ERMN: variants seen among roughly 807,000 people sequenced by gnomAD.
ERMN encodes the protein ermin, ERM-like protein.
A neutral mutation model predicts 21.4 loss-of-function variants in ERMN; 17 were observed. The ratio of observed to expected loss-of-function variants is 0.80; its 90% CI spans 0.54 to 1.19. The LOEUF (loss-of-function observed/expected upper bound fraction) is 1.19. ERMN is among the 50% of genes most tolerant of loss of function. The pLI, the probability that ERMN is intolerant of heterozygous loss-of-function variation, is 0.00. For synonymous variants in ERMN, 115 were observed against 111.9 expected, an observed-to-expected ratio of 1.03 and a Z score of -0.17; for missense variants, 348 against 331.6, an observed-to-expected ratio of 1.05 and a Z score of -0.38.
chr2:157,321,754 G>A lies in ERMN; in HGVS notation c.372C>T (p.Asn124=). 2 of 1,612,364 alleles carry A rather than the reference G, an allele frequency of 1.2e-6. No individual in the cohort carries two copies. Among genetic ancestry groups the A allele is most frequent in the East Asian group, 2.2e-5 (1 of 44,840 alleles). The part of the protein sequence containing the change: ...QWEKIPLSGS[N]QEIRRQKERI... ...TCTCCTTCTGTCTTCTTATTTCCTGGTTACTGCCACTCAGAGGAATCTTCT... is the reference window on the plus strand; with the variant it reads ...TCTCCTTCTGTCTTCTTATTTCCTGATTACTGCCACTCAGAGGAATCTTCT... The change falls in exon 3 of 3, where the codon AAC becomes AAT. Residue 124 remains asparagine, a synonymous_variant. Coordinates refer to ENST00000410096, the MANE Select transcript of ERMN (RefSeq NM_020711.3).
At chr2:157,327,474 C>G (rs1331733927), upstream of ERMN, 1 of 780,340 alleles carries the variant, frequency 1.3e-6, no homozygotes, top group Admixed American at 1.7e-5. Context: ...TACACTTACT[C>G]TTCATAACAG....
chr2:157,325,222 G>C (rs745463763), intron 1 of ERMN, 180 bp downstream of exon 1: 4 of 868,958 alleles, frequency 4.6e-6, no homozygotes, highest in Non-Finnish European at 7.6e-6. Flanking sequence ...GGTCACAGCT[G>C]TCAAATAGAC....
intron 1 of ERMN, 70 bp downstream of exon 1, chr2:157,325,331 GT>G: frequency 6.3e-7 from 1 of 1,596,914 alleles, no homozygotes; most frequent in Non-Finnish European, 8.6e-7. Flanking sequence ...TTCGATAATA[GT>G]TTATCAAAAA....
chr2:157,327,706 C>T, upstream of ERMN: 1 of 519,688 alleles, frequency 1.9e-6, no homozygotes, highest in Non-Finnish European at 3.5e-6. Context: ...GCAGTAGAGA[C>T]AGTTGTGGCC....
intron 2 of ERMN, among the ~76,000 whole-genome samples, chr2:157,322,548 C>T (rs144964243): frequency 4.7e-4 from 71 of 152,336 alleles, no homozygotes; most frequent in African/African-American, 1.3e-3. Context: ...GGCCTGAGTT[C>T]ACCATTTTCT....
chr2:157,325,615 G>T lies in ERMN; in HGVS notation c.28C>A (p.Gln10Lys). The T allele has an allele frequency of 1.9e-6, 3 of 1,614,210 alleles. No individual in the cohort carries two copies. Among genetic ancestry groups the T allele is most frequent in the Non-Finnish European group, 2.5e-6 (3 of 1,180,018 alleles). ...GGTTTATCCCCATTACACTCAGCCT[G>T]GGTAAATGTAGCCGGAACATCTGTC... MTDVPATFTQAECNGDKPPE... is the reference protein window; with the variant it reads MTDVPATFTKAECNGDKPPE... Residue 10 changes from glutamine to lysine, a missense_variant, in exon 1 of 3, where the codon CAG becomes AAG. Coordinates refer to ENST00000410096, the MANE Select transcript of ERMN (RefSeq NM_020711.3).
intron 1 of ERMN, chr2:157,325,047 C>T (rs1158258909): frequency 7.7e-6 from 3 of 390,446 alleles, no homozygotes; most frequent in African/African-American, 4.1e-5. Context: ...GAAATTTTAA[C>T]ATTTTGAATT....
rs565128057 is a variant in ERMN, at chr2:157,321,001, G to T, written c.*270C>A. On this transcript the variant is annotated 3_prime_UTR_variant, in exon 3 of 3. Coordinates refer to ENST00000410096, the MANE Select transcript of ERMN (RefSeq NM_020711.3). The stretch of plus-strand genomic sequence containing the variant: ...CGAATTATGCCAGATTCCCCCAGGG[G>T]ACTGACTGCTTAGTGCTTATCACAC... The T allele has an allele frequency of 1.1e-5, 4 of 365,010 alleles. No homozygotes were observed. The highest frequency in any genetic ancestry group is 5.1e-5 in the South Asian group (1 of 19,462). The allele number at this position is 365,010 out of a possible 1,614,324, so 22.6% of individuals were successfully genotyped here.
At position 157,320,055 on chromosome 2, in the gene ERMN, A is replaced by G. The variant is rs1683841425; in HGVS notation, c.*1216T>C. The G allele has an allele frequency of 6.6e-6, 1 of 152,200 alleles. No individual in the cohort carries two copies. The highest frequency in any genetic ancestry group is 1.5e-5 in the Non-Finnish European group (1 of 68,014). The allele number at this position is 152,200 out of a possible 1,614,324, so 9.4% of individuals were successfully genotyped here. A position where few individuals can be genotyped will look rare whatever the true frequency, so the allele number is the denominator to read the frequency against. On this transcript the variant is annotated 3_prime_UTR_variant, in exon 3 of 3. Coordinates refer to ENST00000410096, the MANE Select transcript of ERMN (RefSeq NM_020711.3). ...AAAATCTTTATCTGTGGTGATAGAA[A>G]GTTCAGGGTAATATATATGGAAGCA...
rs1683878214 is a variant in ERMN at position 157,321,044 on chromosome 2, G to A, written c.*227C>T. 6.7e-6 allele frequency: 4 copies of A among 600,860 alleles called. No individual in the cohort carries two copies. The highest frequency in any genetic ancestry group is 1.1e-5 in the Non-Finnish European group (4 of 364,470). The allele number at this position is 600,860 out of a possible 1,614,324, so 37.2% of individuals were successfully genotyped here. ...TATCACACAATGCTATATTAGTGAA[G>A]TTTTAAAAGATAAATGCCCAAGAAT... On this transcript the variant is annotated 3_prime_UTR_variant, in exon 3 of 3. Coordinates refer to ENST00000410096, the MANE Select transcript of ERMN (RefSeq NM_020711.3).
chr2:157,325,893 T>A (rs980798422), upstream of ERMN: 1 of 1,389,700 alleles, frequency 7.2e-7, no homozygotes, highest in Admixed American at 3.0e-5. Flanking sequence ...AATCACCACC[T>A]TCTTTGTTGC....
At chr2:157,325,894 T>A, upstream of ERMN, 5 of 1,389,684 alleles carry the variant, frequency 3.6e-6, no homozygotes, top group Non-Finnish European at 3.7e-6. Flanking sequence ...ATCACCACCT[T>A]CTTTGTTGCT....
chr2:157,321,886 A>G (rs1574046801), intron 2 of ERMN, 95 bp from the exon 3 acceptor site: 6 of 1,048,310 alleles, frequency 5.7e-6, no homozygotes, highest in Non-Finnish European at 6.7e-6. Flanking sequence ...CTTGCTAATC[A>G]CTTCCCAACA....
At position 157,325,426 on chromosome 2, in the gene ERMN, ATGAGTTGAG is replaced by A. The variant is rs1236894074; in HGVS notation, c.208_216del (p.Leu70_Ser72del). The A allele has an allele frequency of 6.2e-7, 1 of 1,614,010 alleles. No homozygotes were observed. The highest frequency in any genetic ancestry group is 8.5e-7 in the Non-Finnish European group (1 of 1,180,016). ...CCTTTTAGCATTTTGTCCTCCATGGATGAGTTGAGCAGCATGTTCCCTTGTAATTTTCTT... is the reference window on the plus strand; with the variant it reads ...CCTTTTAGCATTTTGTCCTCCATGGACAGCATGTTCCCTTGTAATTTTCTT... On this transcript the variant is annotated inframe_deletion, in exon 1 of 3. Transcript: ENST00000410096.
chr2:157,321,694 ATCT>A lies in ERMN; in HGVS notation c.429_431del (p.Glu143del). ...GGTGACCTTTGTTCTTCCTGTCCTCATCTTCTTCCTCTTTGAGAGGCTGCTCAG... is the reference window on the plus strand; with the variant it reads ...GGTGACCTTTGTTCTTCCTGTCCTCATCTTCCTCTTTGAGAGGCTGCTCAG... On this transcript the variant is annotated inframe_deletion, in exon 3 of 3. Transcript: ENST00000410096. 6.2e-7 allele frequency: 1 copy of A among 1,613,898 alleles called. No homozygotes were observed. The highest frequency in any genetic ancestry group is 8.5e-7 in the Non-Finnish European group (1 of 1,179,950).
chr2:157,319,427 C>T lies in ERMN; in HGVS notation c.*1844G>A, dbSNP rs1344481528. 1.3e-5 allele frequency: 2 copies of T among 152,126 alleles called. No homozygotes were observed. The highest frequency in any genetic ancestry group is 2.9e-5 in the Non-Finnish European group (2 of 68,016). 9.4% of individuals were successfully genotyped at this position (152,126 alleles called of 1,614,324 possible). A position where few individuals can be genotyped will look rare whatever the true frequency, so the allele number is the denominator to read the frequency against. On this transcript the variant is annotated 3_prime_UTR_variant, in exon 3 of 3. Transcript: ENST00000410096. ...GAATCCATCATCTCTGTTGGAATAA[C>T]TCAAAATACAGGCTCTTGATGGTAG... is the stretch of plus-strand genomic sequence containing the variant.
rs1489172344 is a variant in ERMN at position 157,321,545 on chromosome 2, C to A, written c.581G>T (p.Cys194Phe). ...TCGAACTTCATCTTCATCATTATTG[C>A]AATTATCATCATCATCATCATCAAT... ...EEIDDDDDDN[C>F]NNDEDEVRVI... Residue 194 changes from cysteine to phenylalanine, a missense_variant, in exon 3 of 3, where the codon TGC (cysteine) becomes TTC (phenylalanine). Cys to Phe is a radical substitution (Grantham distance 205). Transcript: ENST00000410096. 6.2e-7 allele frequency: 1 copy of A among 1,613,804 alleles called. No individual in the cohort carries two copies. The highest frequency in any genetic ancestry group is 1.3e-5 in the African/African-American group (1 of 74,864).
intron 1 of ERMN, 87 bp downstream of exon 1, chr2:157,325,315 G>C (rs772474155): frequency 1.3e-6 from 2 of 1,568,354 alleles, no homozygotes; most frequent in Non-Finnish European, 1.8e-6. Flanking sequence ...GGGGTGTCCA[G>C]CTCATTTCGA....
chr2:157,325,933 T>C, upstream of ERMN: 1 of 1,311,546 alleles, frequency 7.6e-7, no homozygotes. Flanking sequence ...GTTAAAGGCA[T>C]CCTTTTGATT....
Sources: allele counts gnomAD v4.1 joint callset (sites outside exome capture counted in the v4.1 genomes callset), GRCh38; gene constraint gnomAD v4.1.1; transcripts MANE v1.5; gene names NCBI Gene and HGNC (gene_info 2026-07-23, HGNC 2026-07-21).